The following HHIPL1 variants were observed in gnomAD, a reference collection of about 807,000 sequenced individuals.
The protein encoded by HHIPL1 is HHIP like 1.
A neutral mutation model predicts 61.8 loss-of-function variants in HHIPL1; 43 were observed. That is an observed-to-expected ratio of 0.70 (90% CI 0.55 to 0.90). HHIPL1 has a LOEUF of 0.90. Among genes scored for constraint, HHIPL1 ranks in the 40% least tolerant of loss-of-function variants. The probability of loss-of-function intolerance (pLI) is 0.00; values close to 1 mark genes in which losing one functional copy is unlikely to be tolerated. For synonymous variants in HHIPL1, 482 were observed against 515.8 expected (o/e 0.93, Z 0.89); for missense variants, 1,056 against 1,157.7 (o/e 0.91, Z 1.28).
rs1347782063 is a variant in HHIPL1 at position 99,659,599 on chromosome 14, C to T, written c.1218C>T (p.Pro406=). ...MWRCSFDRGD[P]SSGTGRGRLF... is the part of the protein sequence containing the mutation. The stretch of plus-strand genomic sequence containing the variant: ...GCTGCTCCTTCGACCGTGGCGACCC[C>T]TCCTCGGGCACTGGCCGCGGGCGCC... The change falls in exon 4 of 9, where the codon CCC becomes CCT. Residue 406 remains proline (P), a synonymous_variant. Coordinates refer to ENST00000330710, the MANE Select transcript of HHIPL1 (RefSeq NM_001127258.3). 5.2e-6 allele frequency: 8 copies of T among 1,551,466 alleles called. No homozygotes were observed. The highest frequency in any genetic ancestry group is 6.1e-6 in the Non-Finnish European group (7 of 1,151,668).
At chr14:99,610,586 C>A in the HHIPL1 span, among the ~76,000 whole-genome samples, 1 of 152,140 alleles carries the variant, frequency 6.6e-6, no homozygotes, top group Non-Finnish European at 1.5e-5. Context: ...ATGACAAAAC[C>A]CCCATCTCCA....
the HHIPL1 span, among the ~76,000 whole-genome samples, chr14:99,613,678 G>A: frequency 6.6e-6 from 1 of 152,080 alleles, no homozygotes; most frequent in Non-Finnish European, 1.5e-5. Context: ...GGAGGCCGAG[G>A]TGGGCAGATC....
chr14:99,675,035 C>A lies in HHIPL1; in HGVS notation c.1814-56C>A. The A allele has an allele frequency of 1.0e-6, 1 of 981,386 alleles. No homozygotes were observed. Among genetic ancestry groups the A allele is most frequent in the Non-Finnish European group, 1.3e-6 (1 of 792,142 alleles). The allele number at this position is 981,386 out of a possible 1,614,324, so 60.8% of individuals were successfully genotyped here. A position where few individuals can be genotyped will look rare whatever the true frequency, so the allele number is the denominator to read the frequency against. ...TTGCAGGGCAGCACAGGGTGGGCAG[C>A]AGGGCTGGACAGGGGCGCCTGGGTC... On this transcript the variant is annotated intron_variant, in intron 8 of 8. Transcript: ENST00000330710. This position sits in a 1 kb window ranked among gnomAD's most constrained non-coding sequence, Gnocchi z 5.4.
rs1381857252 is a variant in HHIPL1 at position 99,675,108 on chromosome 14, C to T, written c.1831C>T (p.Arg611Trp). The T allele has an allele frequency of 8.6e-7, 1 of 1,163,722 alleles. No individual in the cohort carries two copies. Among genetic ancestry groups the T allele is most frequent in the South Asian group, 2.7e-5 (1 of 37,270 alleles). The allele number at this position is 1,163,722 out of a possible 1,614,324, so 72.1% of individuals were successfully genotyped here. ...CTGCGCAGAGTTCATCCCGAAGACA[C>T]GGAGCACCCCGCGGCCTACAGCGCG... is the stretch of plus-strand genomic sequence containing the variant. Reference protein sequence around the residue: ...VPKEKFIPKTRSTPRPTARAP... With the variant: ...VPKEKFIPKTWSTPRPTARAP... Residue 611 changes from arginine to tryptophan, a missense_variant, in exon 9 of 9, where the codon CGG becomes TGG. Transcript: ENST00000330710. This position sits in a 1 kb window ranked among gnomAD's most constrained non-coding sequence, Gnocchi z 5.4.
In HHIPL1 at chr14:99,679,561, C is replaced by T. The variant is rs1207832104; in HGVS notation, c.*3935C>T. ...CAGGCCCTAGACTGAGCCTAGGGGTCACCATGTTGATACCTTAGAAATGTT... is the reference window on the plus strand; with the variant it reads ...CAGGCCCTAGACTGAGCCTAGGGGTTACCATGTTGATACCTTAGAAATGTT... On this transcript the variant is annotated 3_prime_UTR_variant, in exon 9 of 9. Coordinates refer to ENST00000330710, the MANE Select transcript of HHIPL1 (RefSeq NM_001127258.3). The T allele has an allele frequency of 6.6e-6, 1 of 152,200 alleles. No individual in the cohort carries two copies. Among genetic ancestry groups the T allele is most frequent in the African/African-American group, 2.4e-5 (1 of 41,446 alleles). 9.4% of individuals were successfully genotyped at this position (152,200 alleles called of 1,614,324 possible).
At chr14:99,663,679 A>G (rs983287695) in intron 6 of HHIPL1, among the ~76,000 whole-genome samples, 1 of 152,282 alleles carries the variant, frequency 6.6e-6, no homozygotes, top group South Asian at 2.1e-4. Flanking sequence ...GCTCTGGTTC[A>G]CAGGCATCTG....
At chr14:99,656,861 AAG>A (rs2056051246) in intron 2 of HHIPL1, 137 bp from the exon 3 acceptor site, 1 of 15,258 alleles carries the variant, frequency 6.6e-5, no homozygotes, top group South Asian at 5.3e-3. Context: ...GGAAGGAAGG[AAG>A]GAAGGAAGGA....
chr14:99,614,360 C>G, the HHIPL1 span, among the ~76,000 whole-genome samples: 1 of 152,136 alleles, frequency 6.6e-6, no homozygotes, highest in Non-Finnish European at 1.5e-5. Context: ...GGCCACAGAA[C>G]TCTGCAATGA....
At chr14:99,628,751 C>T in the HHIPL1 span, among the ~76,000 whole-genome samples, 1 of 152,146 alleles carries the variant, frequency 6.6e-6, no homozygotes, top group Admixed American at 6.5e-5. Context: ...GGAGGTTGCA[C>T]AGTCCAGTGG....
chr14:99,675,119 G>A lies in HHIPL1; in HGVS notation c.1842G>A (p.Pro614=), dbSNP rs917516430. The change falls in exon 9 of 9, where the codon CCG becomes CCA. Residue 614 remains proline (P), a synonymous_variant. Transcript: ENST00000330710. This position sits in a 1 kb window ranked among gnomAD's most constrained non-coding sequence, Gnocchi z 5.4. Reference sequence around the variant, plus strand: ...TCATCCCGAAGACACGGAGCACCCCGCGGCCTACAGCGCGGGCGCCCACGC... The same window carrying A: ...TCATCCCGAAGACACGGAGCACCCCACGGCCTACAGCGCGGGCGCCCACGC... ...EKFIPKTRST[P]RPTARAPTRA... 8.6e-7 allele frequency: 1 copy of A among 1,158,576 alleles called. No individual in the cohort carries two copies. 71.8% of individuals were successfully genotyped at this position (1,158,576 alleles called of 1,614,324 possible). A position where few individuals can be genotyped will look rare whatever the true frequency, so the allele number is the denominator to read the frequency against.
At chr14:99,658,294 C>T (rs1004648542) in intron 3 of HHIPL1, among the ~76,000 whole-genome samples, 2 of 152,138 alleles carry the variant, frequency 1.3e-5, no homozygotes, top group African/African-American at 4.8e-5. Flanking sequence ...ACTTAGATAT[C>T]GAATCCTGGC....
At chr14:99,606,750 C>A in the HHIPL1 span, among the ~76,000 whole-genome samples, 2 of 152,156 alleles carry the variant, frequency 1.3e-5, no homozygotes, top group Admixed American at 1.3e-4. Context: ...AGAACAAAGA[C>A]AAGGTGCTAG....
rs377419045 is a variant in HHIPL1 at position 99,660,402 on chromosome 14, A to G, written c.1498A>G (p.Ser500Gly). ...CCTCTACATTTTTGGGGATTTCATG[A>G]GCGGGTAAGTGACCTAGTGCCCTCG... ...NGLYIFGDFM[S>G]GRLMSLQENP... The change falls in exon 5 of 9, where the codon AGC becomes GGC. Residue 500 changes from serine (S) to glycine (G), a missense_variant. By Grantham distance (56) the Ser-to-Gly change is moderately conservative. Transcript: ENST00000330710. The surrounding 1 kb of genome is among the most constrained non-coding windows in gnomAD (Gnocchi z 4.9). The G allele has an allele frequency of 8.7e-6, 14 of 1,612,742 alleles. No homozygotes were observed. In the African/African-American group the frequency reaches 1.9e-4, roughly 22 times the overall value.
At chr14:99,653,628 A>T (rs1164092266) in intron 2 of HHIPL1, among the ~76,000 whole-genome samples, 1 of 151,960 alleles carries the variant, frequency 6.6e-6, no homozygotes, top group Non-Finnish European at 1.5e-5. Flanking sequence ...CCTTTTTCCC[A>T]CCTGAATCCC....
At chr14:99,639,883 A>G in the HHIPL1 span, among the ~76,000 whole-genome samples, 1 of 151,482 alleles carries the variant, frequency 6.6e-6, no homozygotes. Context: ...GCTGGTCTCG[A>G]ACTCCTGACC....
At chr14:99,669,229 G>A in intron 7 of HHIPL1, 3 of 1,178,714 alleles carry the variant, frequency 2.5e-6, no homozygotes, top group Non-Finnish European at 3.2e-6. Context: ...ATGGCACGGA[G>A]CAGAGACTCA....
rs528701214 is a variant in HHIPL1, at chr14:99,658,990, A to G, written c.1047-438A>G. ...TACTATTACAGTTGAGGACACCAAG[A>G]TTCCACAGAGTGTGTGGTAAAGAGC... On this transcript the variant is annotated intron_variant, in intron 3 of 8. Transcript: ENST00000330710. 1.4e-4 allele frequency among the ~76,000 whole-genome samples: 22 copies of G among 152,248 alleles called. No homozygotes were observed. The South Asian group carries it at 3.9e-3, about 27-fold the overall frequency.
chr14:99,627,893 GAGA>G, the HHIPL1 span, among the ~76,000 whole-genome samples: 80 of 152,330 alleles, frequency 5.3e-4, 1 homozygote, highest in African/African-American at 1.8e-3. The surrounding 1 kb of genome is among the most constrained non-coding windows in gnomAD (Gnocchi z 4.4). Context: ...GGGCTGGGAG[GAGA>G]AGAAGGCAGG....
chr14:99,656,971 G>C (rs767461003), intron 2 of HHIPL1, 29 bp from the exon 3 acceptor site: 1 of 1,558,776 alleles, frequency 6.4e-7, no homozygotes, highest in African/African-American at 1.4e-5. Flanking sequence ...GTGGAAGGCT[G>C]AGTTTTAGGG....
Sources: allele counts gnomAD v4.1 joint callset (sites outside exome capture counted in the v4.1 genomes callset), GRCh38; gene constraint gnomAD v4.1.1; non-coding constraint Gnocchi (gnomAD v3.1); transcripts MANE v1.5; gene names NCBI Gene and HGNC (gene_info 2026-07-23, HGNC 2026-07-21).